BNC2: variants seen among roughly 807,000 people sequenced by gnomAD.
BNC2 encodes the protein zinc finger protein basonuclin-2.
Under a neutral mutation model 76.3 loss-of-function variants are expected in BNC2, and 20 were observed. The ratio of observed to expected loss-of-function variants is 0.26; its 90% CI spans 0.18 to 0.38. BNC2 has a LOEUF of 0.38. Ranked by LOEUF, BNC2 falls within the 10% of genes least tolerant of loss-of-function variation. The probability of loss-of-function intolerance (pLI) is 1.00; values close to 1 mark genes in which losing one functional copy is unlikely to be tolerated. For missense variants in BNC2, 1,382 were observed against 1,399.8 expected (o/e 0.99, Z 0.20); for synonymous variants, 582 against 514.8 (o/e 1.13, Z -1.77).
chr9:16,701,938 C>T (rs1294372989), intron 3 of BNC2, among the ~76,000 whole-genome samples: 1 of 91,546 alleles, frequency 1.1e-5, no homozygotes. Flanking sequence ...CGAGACTCTC[C>T]AAAAAAAAAA....
At chr9:16,624,667 T>A (rs987410633) in intron 3 of BNC2, among the ~76,000 whole-genome samples, 1 of 152,214 alleles carries the variant, frequency 6.6e-6, no homozygotes, top group African/African-American at 2.4e-5. Flanking sequence ...ACCTCACTTG[T>A]AGAAAGTTAC....
At chr9:16,864,115 C>A in intron 1 of BNC2, among the ~76,000 whole-genome samples, 1 of 152,096 alleles carries the variant, frequency 6.6e-6, no homozygotes, top group African/African-American at 2.4e-5. Context: ...CATTATCATC[C>A]TTTTTCTCCT....
chr9:16,708,282 A>G (rs1416243117), intron 3 of BNC2, among the ~76,000 whole-genome samples: 2 of 152,224 alleles, frequency 1.3e-5, no homozygotes, highest in Non-Finnish European at 2.9e-5. Context: ...TAGAAATAAG[A>G]GTTTTAAAGT....
At chr9:16,423,045 G>A (rs909155289) in intron 6 of BNC2, among the ~76,000 whole-genome samples, 1 of 152,210 alleles carries the variant, frequency 6.6e-6, no homozygotes, top group Non-Finnish European at 1.5e-5. Context: ...TAAAATGGCA[G>A]GAAGGCCAGA....
At chr9:16,581,074 A>G (rs1328987992) in intron 4 of BNC2, among the ~76,000 whole-genome samples, 2 of 152,196 alleles carry the variant, frequency 1.3e-5, no homozygotes, top group East Asian at 1.9e-4. Flanking sequence ...GAAAAAAAGG[A>G]TATTTGGGAA....
chr9:16,705,292 C>T (rs760829008), intron 3 of BNC2, among the ~76,000 whole-genome samples: 2 of 152,204 alleles, frequency 1.3e-5, no homozygotes, highest in Non-Finnish European at 2.9e-5. Flanking sequence ...ACTACATCAT[C>T]CTGCCATTAA....
intron 5 of BNC2, among the ~76,000 whole-genome samples, chr9:16,444,097 C>T (rs75780481): frequency 7.4e-4 from 112 of 152,310 alleles, no homozygotes; most frequent in African/African-American, 2.5e-3. Flanking sequence ...TATTACAGCA[C>T]GGCCAAATCA....
intron 5 of BNC2, among the ~76,000 whole-genome samples, chr9:16,544,554 A>G (rs1291487982): frequency 6.6e-6 from 1 of 152,162 alleles, no homozygotes; most frequent in Non-Finnish European, 1.5e-5. Flanking sequence ...GCAGTGGCTC[A>G]TGCCTGTAAT....
At chr9:16,507,106 T>C (rs1822645881) in intron 5 of BNC2, among the ~76,000 whole-genome samples, 2 of 152,296 alleles carry the variant, frequency 1.3e-5, no homozygotes, top group African/African-American at 4.8e-5. Flanking sequence ...GAACCTTTCC[T>C]ACTTTCAAAA....
chr9:16,861,362 AAAATAAAT>A (rs892556913), intron 1 of BNC2, among the ~76,000 whole-genome samples: 1 of 151,844 alleles, frequency 6.6e-6, no homozygotes, highest in African/African-American at 2.4e-5. Context: ...TGTCTCTTTA[AAAATAAAT>A]AAATAAATAA....
intron 1 of BNC2, among the ~76,000 whole-genome samples, chr9:16,841,813 T>TG (rs931786460): frequency 2.7e-3 from 31 of 11,334 alleles, no homozygotes; most frequent in Non-Finnish European, 0.014. Flanking sequence ...TTATCAAATT[T>TG]GTTTTTTTTT....
At chr9:16,568,395 C>G (rs1162425579) in intron 4 of BNC2, among the ~76,000 whole-genome samples, 2 of 152,072 alleles carry the variant, frequency 1.3e-5, no homozygotes, top group Non-Finnish European at 2.9e-5. Context: ...AGGCCATAAC[C>G]TCTGAATTTA....
intron 1 of BNC2, among the ~76,000 whole-genome samples, chr9:16,757,635 G>C (rs1825423172): frequency 9.3e-6 from 1 of 107,418 alleles, no homozygotes; most frequent in Non-Finnish European, 2.1e-5. Flanking sequence ...TGAAAATGTT[G>C]ACTATGTAAT....
chr9:16,725,559 T>G (rs1487781956), intron 3 of BNC2, among the ~76,000 whole-genome samples: 3 of 152,208 alleles, frequency 2.0e-5, no homozygotes, highest in African/African-American at 7.2e-5. Flanking sequence ...ATTTCTCTCC[T>G]TTTGTTGTAC....
intron 5 of BNC2, among the ~76,000 whole-genome samples, chr9:16,490,094 G>A (rs184006499): frequency 6.6e-6 from 1 of 152,178 alleles, no homozygotes; most frequent in African/African-American, 2.4e-5. Context: ...CCAAATCAAA[G>A]ACCTTTCTCC....
intron 1 of BNC2, among the ~76,000 whole-genome samples, chr9:16,825,367 T>G (rs1010895279): frequency 1.3e-5 from 2 of 152,188 alleles, no homozygotes; most frequent in African/African-American, 4.8e-5. Context: ...TGTCTCAATA[T>G]CTCATTCCAC....
intron 1 of BNC2, among the ~76,000 whole-genome samples, chr9:16,766,028 C>A (rs1476614387): frequency 6.6e-6 from 1 of 152,114 alleles, no homozygotes; most frequent in African/African-American, 2.4e-5. Context: ...ACCTCGTGAT[C>A]CGCCCGCCTT....
intron 3 of BNC2, among the ~76,000 whole-genome samples, chr9:16,637,536 A>G (rs1821363332): frequency 6.6e-6 from 1 of 152,230 alleles, no homozygotes; most frequent in African/African-American, 2.4e-5. Flanking sequence ...AACAGTATAT[A>G]ATAAACTCTG....
chr9:16,835,281 T>C (rs1026858652), intron 1 of BNC2, among the ~76,000 whole-genome samples: 4 of 152,262 alleles, frequency 2.6e-5, no homozygotes, highest in African/African-American at 7.2e-5. Context: ...TTGTTAAGTA[T>C]GTTTATAATC....
Sources: allele counts gnomAD v4.1 joint callset (sites outside exome capture counted in the v4.1 genomes callset), GRCh38; gene constraint gnomAD v4.1.1; transcripts MANE v1.5; gene names NCBI Gene and HGNC (gene_info 2026-07-23, HGNC 2026-07-21).